The following PSMD6 variants were observed in gnomAD, a reference collection of about 807,000 sequenced individuals.
The protein encoded by PSMD6 is 26S proteasome non-ATPase regulatory subunit 6.
PSMD6 carries 7 observed loss-of-function variants against 44.9 expected under a neutral mutation model. The observed-to-expected ratio is 0.16, with a 90% CI of 0.09 to 0.29. The LOEUF is 0.29. Among genes scored for constraint, PSMD6 ranks in the 10% least tolerant of loss-of-function variants. The probability of loss-of-function intolerance (pLI) is 1.00; values close to 1 mark genes in which losing one functional copy is unlikely to be tolerated. For synonymous variants in PSMD6, 184 were observed against 172.7 expected, an observed-to-expected ratio of 1.07 and a Z score of -0.51; for missense variants, 420 against 482.6, an observed-to-expected ratio of 0.87 and a Z score of 1.21.
intron 5 of PSMD6, chr3:64,018,364 AAAC>A: frequency 2.8e-6 from 1 of 354,278 alleles, no homozygotes; most frequent in Non-Finnish European, 5.2e-6. Context: ...CTCCTTTTTT[AAAC>A]AACACTTTAA....
chr3:64,014,255 A>G (rs927148861), intron 5 of PSMD6: 5 of 152,178 alleles, frequency 3.3e-5, no homozygotes, highest in African/African-American at 1.2e-4. Context: ...CACAAATATA[A>G]ATTATTTTAC....
At chr3:64,022,672 G>A (rs1036554980) in intron 1 of PSMD6, 149 bp from the exon 2 acceptor site, 1 of 1,539,076 alleles carries the variant, frequency 6.5e-7, no homozygotes, top group Non-Finnish European at 8.7e-7. Context: ...CTTAATAATC[G>A]GCTTGGCAAA....
intron 5 of PSMD6, chr3:64,016,380 A>G (rs554141842): frequency 1.2e-4 from 19 of 152,138 alleles, no homozygotes; most frequent in Admixed American, 8.5e-4. Flanking sequence ...AGAAAAGGAT[A>G]CTACTTCCTT....
At chr3:64,023,617 G>T, upstream of PSMD6, 2 of 1,415,580 alleles carry the variant, frequency 1.4e-6, no homozygotes, top group Non-Finnish European at 1.8e-6. Context: ...GTGTGGTCAC[G>T]GGGGCTTTTC....
At chr3:64,013,345 G>C in intron 6 of PSMD6, 94 bp downstream of exon 6, 1 of 1,275,876 alleles carries the variant, frequency 7.8e-7, no homozygotes, top group Non-Finnish European at 1.1e-6. Context: ...TAAGATTGAG[G>C]GAACCAATGT....
Position 64,023,475 on chromosome 3 carries a change from C to CAGCGGA in PSMD6, c.-62_-57dup, listed in dbSNP as rs1354605103. On this transcript the variant is annotated 5_prime_UTR_variant, in exon 1 of 8. Coordinates refer to ENST00000295901, the MANE Select transcript of PSMD6 (RefSeq NM_014814.3). Reference sequence around the variant, plus strand: ...ACAACTTGGTTACGACCGGCTGCGGCAGCGGAAGCGGGAGGAGTCGGCGAA... The same window carrying CAGCGGA: ...ACAACTTGGTTACGACCGGCTGCGGCAGCGGAAGCGGAAGCGGGAGGAGTCGGCGAA... 18 of 1,502,514 alleles carry CAGCGGA rather than the reference C, an allele frequency of 1.2e-5. No individual in the cohort carries two copies. The African/African-American group carries it at 1.3e-4, about 11-fold the overall frequency. 93.1% of individuals were successfully genotyped at this position (1,502,514 alleles called of 1,614,324 possible). A position where few individuals can be genotyped will look rare whatever the true frequency, so the allele number is the denominator to read the frequency against.
At chr3:64,019,124 A>AAC in intron 3 of PSMD6, 87 bp from the exon 4 acceptor site, 1 of 1,414,290 alleles carries the variant, frequency 7.1e-7, no homozygotes, top group Non-Finnish European at 9.8e-7. Context: ...ATGAGAAAAC[A>AAC]ACTTTTAACA....
At chr3:64,011,098 T>C (rs1407345983) in intron 6 of PSMD6, 143 bp from the exon 7 acceptor site, 13 of 642,816 alleles carry the variant, frequency 2.0e-5, no homozygotes, top group South Asian at 1.8e-4. Context: ...GTAGTTGACG[T>C]TGTCCCTCCT....
At position 64,019,454 on chromosome 3, in the gene PSMD6, C is replaced by G. The variant is rs760726453; in HGVS notation, c.352-13G>C. ...TCAGAGCTCCCTCCTGTCAAGAAAGCCAAGGCAATAGGTGAGAAAAGGCTA... is the reference window on the plus strand; with the variant it reads ...TCAGAGCTCCCTCCTGTCAAGAAAGGCAAGGCAATAGGTGAGAAAAGGCTA... On this transcript the variant is annotated splice_polypyrimidine_tract_variant and intron_variant, in intron 2 of 7. Coordinates refer to ENST00000295901, the MANE Select transcript of PSMD6 (RefSeq NM_014814.3). 5 of 1,606,548 alleles carry G rather than the reference C, an allele frequency of 3.1e-6. No homozygotes were observed. The South Asian group carries it at 5.6e-5, about 18-fold the overall frequency.
At chr3:64,023,634 C>G (rs1471853197), upstream of PSMD6, 2 of 1,427,728 alleles carry the variant, frequency 1.4e-6, no homozygotes, top group African/African-American at 2.9e-5. Flanking sequence ...TTTCCACCCT[C>G]AAGGCCCCCT....
At chr3:64,016,482 C>G (rs1056317396) in intron 5 of PSMD6, 3 of 151,698 alleles carry the variant, frequency 2.0e-5, no homozygotes, top group African/African-American at 7.3e-5. Context: ...ATAAGTTCTG[C>G]TCCCAGAAAT....
chr3:64,022,612 C>CA (rs1377687212), intron 1 of PSMD6, 89 bp from the exon 2 acceptor site: 10 of 1,579,852 alleles, frequency 6.3e-6, no homozygotes, highest in Non-Finnish European at 8.6e-6. Flanking sequence ...CGCCCCGCCA[C>CA]AAGTCATCCA....
Position 64,023,360 on chromosome 3 carries a change from C to A in PSMD6, c.60G>T (p.Ala20=), listed in dbSNP as rs768736831. Reference sequence around the variant, plus strand: ...GCAGGCTGAGCAGGAAGCGCAGCTGCGCGATACGCAAGTCGGGGTTCTTGG... The same window carrying A: ...GCAGGCTGAGCAGGAAGCGCAGCTGAGCGATACGCAAGTCGGGGTTCTTGG... ...GLPKNPDLRI[A]QLRFLLSLPE... The change falls in exon 1 of 8, where the codon GCG becomes GCT. Residue 20 remains alanine (A), a synonymous_variant. Coordinates refer to ENST00000295901, the MANE Select transcript of PSMD6 (RefSeq NM_014814.3). The A allele has an allele frequency of 1.9e-6, 3 of 1,611,690 alleles. No homozygotes were observed. Among genetic ancestry groups the A allele is most frequent in the East Asian group, 2.2e-5 (1 of 44,768 alleles).
intron 6 of PSMD6, chr3:64,012,605 T>TAAC (rs896671878): frequency 2.0e-5 from 3 of 152,066 alleles, no homozygotes; most frequent in Non-Finnish European, 2.9e-5. Flanking sequence ...ATTACCTACC[T>TAAC]AACTCTCCAT....
chr3:64,019,531 G>A lies in PSMD6; in HGVS notation c.352-90C>T, dbSNP rs566115093. The A allele has an allele frequency of 3.5e-6, 5 of 1,409,596 alleles. No individual in the cohort carries two copies. The African/African-American group carries it at 5.8e-5, about 16-fold the overall frequency. 87.3% of individuals were successfully genotyped at this position (1,409,596 alleles called of 1,614,324 possible). ...GTCTGGGATTTTCTTCAAAGGTTGA[G>A]GGAAGAGGTAGGAGTAGAAGTACAA... is the stretch of plus-strand genomic sequence containing the variant. On this transcript the variant is annotated intron_variant, in intron 2 of 7. Coordinates refer to ENST00000295901, the MANE Select transcript of PSMD6 (RefSeq NM_014814.3).
chr3:64,014,774 A>T (rs565412252), intron 5 of PSMD6: 1 of 152,270 alleles, frequency 6.6e-6, no homozygotes, highest in Non-Finnish European at 1.5e-5. Context: ...CCAAGTGAGG[A>T]CACTAAGGAG....
At chr3:64,022,083 G>A (rs1005084767) in intron 2 of PSMD6, among the ~76,000 whole-genome samples, 5 of 152,146 alleles carry the variant, frequency 3.3e-5, no homozygotes, top group Non-Finnish European at 5.9e-5. Context: ...CGTTTTTATC[G>A]GCATGGGGTG....
At chr3:64,022,685 A>G (rs1227040457) in intron 1 of PSMD6, 162 bp from the exon 2 acceptor site, 5 of 1,538,104 alleles carry the variant, frequency 3.3e-6, no homozygotes, top group Admixed American at 3.9e-5. Flanking sequence ...TTGGCAAAAC[A>G]TAAACGTATG....
Position 64,022,961 on chromosome 3 carries a change from C to A in PSMD6, c.145+314G>T. ...AATACCCCGCGCCCGGGAGCAGTCC[C>A]CACTGACAGAAAGTCACGGGGCCTT... On this transcript the variant is annotated intron_variant, in intron 1 of 7. Transcript: ENST00000295901. 67 of 1,423,856 alleles carry A rather than the reference C, an allele frequency of 4.7e-5. 1 individual carries two copies. In the South Asian group the frequency reaches 9.4e-4, roughly 20 times the overall value. 88.2% of individuals were successfully genotyped at this position (1,423,856 alleles called of 1,614,324 possible). A position where few individuals can be genotyped will look rare whatever the true frequency, so the allele number is the denominator to read the frequency against.
Sources: gnomAD v4.1 joint callset for allele counts (sites outside exome capture counted in the v4.1 genomes callset) on GRCh38, gnomAD v4.1.1 for gene constraint, MANE v1.5 for transcripts, NCBI Gene and HGNC (gene_info 2026-07-23, HGNC 2026-07-21) for gene names.